The following FAM222B variants were observed in gnomAD, a reference collection of about 807,000 sequenced individuals.
FAM222B encodes the protein protein FAM222B.
Under a neutral mutation model 38.0 loss-of-function variants are expected in FAM222B, and 12 were observed. That is an observed-to-expected ratio of 0.32 (90% CI 0.20 to 0.51). The LOEUF is 0.51. FAM222B is among the 20% of genes least tolerant of loss of function. The pLI, the probability that FAM222B is intolerant of heterozygous loss-of-function variation, is 0.97. For synonymous variants in FAM222B, 329 were observed against 317.2 expected, an observed-to-expected ratio of 1.04 and a Z score of -0.40; for missense variants, 716 against 754.2, an observed-to-expected ratio of 0.95 and a Z score of 0.59.
Position 28,758,088 on chromosome 17 carries a change from G to A in FAM222B, c.*182C>T. Reference sequence around the variant, plus strand: ...AGGTTCTAACATAAAACCAAAAGTTGCTGGAGGGGAGGACGAGAGGACCCC... The same window carrying A: ...AGGTTCTAACATAAAACCAAAAGTTACTGGAGGGGAGGACGAGAGGACCCC... On this transcript the variant is annotated 3_prime_UTR_variant, in exon 3 of 3. Transcript: ENST00000581407. The A allele has an allele frequency of 1.8e-6, 1 of 549,124 alleles. No individual in the cohort carries two copies. 34.0% of individuals were successfully genotyped at this position (549,124 alleles called of 1,614,324 possible).
chr17:28,787,428 T>G (rs1360643037), intron 1 of FAM222B, among the ~76,000 whole-genome samples: 1 of 152,230 alleles, frequency 6.6e-6, no homozygotes, highest in Non-Finnish European at 1.5e-5. Flanking sequence ...CTATATAGCC[T>G]TAGTGAAAAT....
chr17:28,840,693 A>G (rs1431367010), intron 1 of FAM222B, among the ~76,000 whole-genome samples: 2 of 152,168 alleles, frequency 1.3e-5, no homozygotes, highest in East Asian at 3.8e-4. Context: ...ACGGTGGTTC[A>G]CGCCTGTAAT....
At chr17:28,799,100 A>C (rs2037087749) in intron 1 of FAM222B, among the ~76,000 whole-genome samples, 1 of 150,694 alleles carries the variant, frequency 6.6e-6, no homozygotes, top group East Asian at 2.0e-4. Context: ...TCAGCCTCCC[A>C]AGTAGCTGGG....
chr17:28,805,714 G>A (rs1373414884), intron 1 of FAM222B, among the ~76,000 whole-genome samples: 1 of 151,748 alleles, frequency 6.6e-6, no homozygotes, highest in Non-Finnish European at 1.5e-5. Flanking sequence ...ACAAAACTAA[G>A]TGTAATACAG....
chr17:28,853,595 T>C (rs968059834), intron 1 of FAM222B, among the ~76,000 whole-genome samples: 1 of 152,194 alleles, frequency 6.6e-6, no homozygotes, highest in Non-Finnish European at 1.5e-5. Flanking sequence ...GTTGTTATAC[T>C]GTATTGTGTT....
chr17:28,772,573 CAAAAAA>C, intron 1 of FAM222B, among the ~76,000 whole-genome samples: 1 of 93,046 alleles, frequency 1.1e-5, no homozygotes, highest in South Asian at 3.3e-4. Context: ...AAAAAAAATA[CAAAAAA>C]AAAAAAAAAA....
At chr17:28,832,361 G>A (rs2038697851) in intron 1 of FAM222B, among the ~76,000 whole-genome samples, 1 of 152,140 alleles carries the variant, frequency 6.6e-6, no homozygotes, top group South Asian at 2.1e-4. Flanking sequence ...TTAAAGATAT[G>A]TATTATTGTT....
At chr17:28,764,271 CAAAAAAAAAAAA>C (rs35314377) in intron 2 of FAM222B, among the ~76,000 whole-genome samples, 2 of 43,836 alleles carry the variant, frequency 4.6e-5, no homozygotes, top group African/African-American at 1.5e-4. Flanking sequence ...GACTCCATCT[CAAAAAAAAAAAA>C]AAAAAAAAAA....
At chr17:28,783,351 T>C (rs558172776) in intron 1 of FAM222B, among the ~76,000 whole-genome samples, 84 of 152,092 alleles carry the variant, frequency 5.5e-4, no homozygotes, top group Non-Finnish European at 8.2e-4. Context: ...TCAGATCACC[T>C]CAAGAAACCT....
chr17:28,812,499 G>C (rs1178125862), intron 1 of FAM222B: 1 of 151,602 alleles, frequency 6.6e-6, no homozygotes, highest in Admixed American at 6.6e-5. Flanking sequence ...CTGGCTCTTC[G>C]CGAGCCCTCT....
chr17:28,780,840 C>T (rs1597898576), intron 1 of FAM222B, among the ~76,000 whole-genome samples: 2 of 151,800 alleles, frequency 1.3e-5, no homozygotes, highest in Non-Finnish European at 2.9e-5. Flanking sequence ...CGAGATCGCA[C>T]CATTGGACTC....
chr17:28,822,108 C>T (rs1242985976), intron 1 of FAM222B, among the ~76,000 whole-genome samples: 4 of 150,522 alleles, frequency 2.7e-5, no homozygotes, highest in Non-Finnish European at 5.9e-5. Flanking sequence ...TGCAACCTCC[C>T]CCACCTGGGT....
At chr17:28,801,055 GC>G (rs1481929085) in intron 1 of FAM222B, among the ~76,000 whole-genome samples, 3 of 151,848 alleles carry the variant, frequency 2.0e-5, no homozygotes, top group Non-Finnish European at 2.9e-5. Context: ...TACTCAGGAG[GC>G]TGAGGCAGGA....
intron 1 of FAM222B, among the ~76,000 whole-genome samples, chr17:28,811,786 C>T (rs2037777961): frequency 1.3e-5 from 2 of 152,278 alleles, no homozygotes; most frequent in South Asian, 4.1e-4. Context: ...CTAGCACCTC[C>T]TCTCCTTTCA....
intron 1 of FAM222B, among the ~76,000 whole-genome samples, chr17:28,774,482 T>A (rs2035790779): frequency 6.6e-6 from 1 of 152,158 alleles, no homozygotes; most frequent in Admixed American, 6.6e-5. Context: ...ACCACAGAAC[T>A]AAGCTTTTCC....
rs539986215 is a variant in FAM222B, at chr17:28,774,233, C to T, written c.-40-7526G>A. ...CAATATAATTTTACAGCTGGTATTT[C>T]CAGAATTAGATCCAGAAATCAACAC... On this transcript the variant is annotated intron_variant, in intron 1 of 2. Coordinates refer to ENST00000581407, the MANE Select transcript of FAM222B (RefSeq NM_001077498.3). Among the ~76,000 whole-genome samples the T allele has an allele frequency of 2.7e-4, 40 of 149,758 alleles. 1 individual carries two copies. In the South Asian group the frequency reaches 7.8e-3, roughly 29 times the overall value.
chr17:28,769,296 A>C (rs2035501537), intron 1 of FAM222B, among the ~76,000 whole-genome samples: 1 of 146,022 alleles, frequency 6.8e-6, no homozygotes, highest in Admixed American at 7.3e-5. Flanking sequence ...CTCCTGCCTC[A>C]GCCTCCCGAG....
At chr17:28,811,244 T>C (rs191286305) in intron 1 of FAM222B, among the ~76,000 whole-genome samples, 4 of 152,170 alleles carry the variant, frequency 2.6e-5, no homozygotes, top group Admixed American at 1.3e-4. Context: ...ATCAAGACCA[T>C]CCTGGCTAAC....
chr17:28,820,636 CTT>C (rs557770356), intron 1 of FAM222B, among the ~76,000 whole-genome samples: 9 of 144,262 alleles, frequency 6.2e-5, no homozygotes, highest in Admixed American at 7.0e-5. Context: ...AATGGTAAAA[CTT>C]TTTTTTTTTT....
Sources: allele counts gnomAD v4.1 joint callset (sites outside exome capture counted in the v4.1 genomes callset), GRCh38; gene constraint gnomAD v4.1.1; transcripts MANE v1.5; gene names NCBI Gene and HGNC (gene_info 2026-07-23, HGNC 2026-07-21).